Variants in RUNX1 observed in about 807,000 individuals in gnomAD.
The protein encoded by RUNX1 is RUNX family transcription factor 1.
RUNX1 carries 19 observed loss-of-function variants against 42.8 expected under a neutral mutation model. The ratio of observed to expected loss-of-function variants is 0.44; its 90% CI spans 0.31 to 0.65. The LOEUF is 0.65. RUNX1 is among the 30% of genes least tolerant of loss of function. The pLI, the probability that RUNX1 is intolerant of heterozygous loss-of-function variation, is 0.07. For synonymous variants in RUNX1, 271 were observed against 289.4 expected (o/e 0.94, Z 0.64); for missense variants, 528 against 672.0 (o/e 0.79, Z 2.37).
At chr21:34,870,020 C>A (rs758547326) in intron 5 of RUNX1, among the ~76,000 whole-genome samples, 2 of 152,166 alleles carry the variant, frequency 1.3e-5, no homozygotes, top group African/African-American at 4.8e-5. Flanking sequence ...CTTCAAATTA[C>A]AGTACATATT....
At chr21:34,889,852 C>T (rs1415768674) in intron 3 of RUNX1, 2 of 1,093,900 alleles carry the variant, frequency 1.8e-6, no homozygotes, top group East Asian at 4.9e-5. Context: ...AGTCCCTCCA[C>T]GCCCTCCCTG....
chr21:34,816,952 T>C (rs1038952130), intron 7 of RUNX1, among the ~76,000 whole-genome samples: 1 of 152,186 alleles, frequency 6.6e-6, no homozygotes, highest in Non-Finnish European at 1.5e-5. Flanking sequence ...AAACTGGTGG[T>C]TCCATGGTCT....
chr21:34,875,205 G>A (rs1463995062), intron 5 of RUNX1, among the ~76,000 whole-genome samples: 2 of 152,224 alleles, frequency 1.3e-5, no homozygotes, highest in Non-Finnish European at 2.9e-5. Flanking sequence ...TGCCATGACT[G>A]GGCCACCCCA....
At chr21:34,977,896 A>G (rs1322351097) in intron 2 of RUNX1, among the ~76,000 whole-genome samples, 1 of 152,176 alleles carries the variant, frequency 6.6e-6, no homozygotes, top group East Asian at 1.9e-4. Context: ...GCAATGTGTA[A>G]AATGTCCAAT....
At chr21:34,849,942 T>C (rs1601449878) in intron 6 of RUNX1, among the ~76,000 whole-genome samples, 2 of 151,478 alleles carry the variant, frequency 1.3e-5, no homozygotes, top group Non-Finnish European at 1.5e-5. Flanking sequence ...ACTATTATTA[T>C]TTTGGTGGTA....
At chr21:34,874,123 TTC>T (rs3831803) in intron 5 of RUNX1, among the ~76,000 whole-genome samples, 47 of 144,776 alleles carry the variant, frequency 3.2e-4, no homozygotes, top group South Asian at 8.9e-4. Context: ...GATATTCTCA[TTC>T]TCTCTCTCTC....
intron 3 of RUNX1, chr21:34,887,348 T>A: frequency 7.0e-7 from 1 of 1,437,228 alleles, no homozygotes. Flanking sequence ...CAGGATGGGC[T>A]CCTAGCAACC....
chr21:34,853,865 T>C (rs2057459862), intron 6 of RUNX1, among the ~76,000 whole-genome samples: 1 of 149,946 alleles, frequency 6.7e-6, no homozygotes, highest in Non-Finnish European at 1.5e-5. Context: ...CAGGCTGGAG[T>C]ACAGTGGCAC....
intron 2 of RUNX1, among the ~76,000 whole-genome samples, chr21:34,911,308 A>G (rs761384842): frequency 2.6e-5 from 4 of 152,186 alleles, no homozygotes; most frequent in African/African-American, 4.8e-5. Flanking sequence ...GTAAGGAACA[A>G]AGGTGATATT....
chr21:34,816,779 C>A (rs114695246), intron 7 of RUNX1, among the ~76,000 whole-genome samples: 131 of 152,256 alleles, frequency 8.6e-4, no homozygotes, highest in African/African-American at 2.9e-3. Context: ...GTTCAGAGAT[C>A]AAGCAGGAAG....
chr21:34,902,690 CA>C (rs2058186712), intron 2 of RUNX1, among the ~76,000 whole-genome samples: 1 of 152,124 alleles, frequency 6.6e-6, no homozygotes, highest in African/African-American at 2.4e-5. Flanking sequence ...CTCACTATCT[CA>C]TAAGGTAGAG....
chr21:34,821,062 T>C lies in RUNX1; in HGVS notation c.805+13348A>G, dbSNP rs376074719. 2.2e-3 allele frequency among the ~76,000 whole-genome samples: 333 copies of C among 152,336 alleles called. 5 individuals are homozygous for C. The highest frequency in any genetic ancestry group is 6.8e-3 in the African/African-American group (282 of 41,578). ...ATTTGGTCTTGTGGAACAGTGGTTA[T>C]GGGAAGGTCTCCTGTTTGGGTTTAT... On this transcript the variant is annotated intron_variant, in intron 7 of 8. Transcript: ENST00000675419.
chr21:34,963,284 T>G (rs972792804), intron 2 of RUNX1, among the ~76,000 whole-genome samples: 3 of 152,000 alleles, frequency 2.0e-5, no homozygotes, highest in Non-Finnish European at 4.4e-5. Context: ...AGGTGCTGGG[T>G]CCACGTGGAA....
Position 34,789,356 on chromosome 21 carries a change from G to A in RUNX1, c.*2779C>T, listed in dbSNP as rs367556806. On this transcript the variant is annotated 3_prime_UTR_variant, in exon 9 of 9. Transcript: ENST00000675419. ...TTGGGGGGAAGAGAGGGAGGGAAAT[G>A]TATTTTCAGATAGTGAGAAAAAGAA... The A allele has an allele frequency of 4.3e-6, 1 of 233,642 alleles. No homozygotes were observed. Among genetic ancestry groups the A allele is most frequent in the East Asian group, 6.0e-5 (1 of 16,584 alleles). 14.5% of individuals were successfully genotyped at this position (233,642 alleles called of 1,614,324 possible). A position where few individuals can be genotyped will look rare whatever the true frequency, so the allele number is the denominator to read the frequency against.
At chr21:34,935,084 T>C (rs1254306456) in intron 2 of RUNX1, among the ~76,000 whole-genome samples, 1 of 152,212 alleles carries the variant, frequency 6.6e-6, no homozygotes, top group Non-Finnish European at 1.5e-5. Context: ...GGTATATGTT[T>C]TGAAGAGTGA....
At chr21:34,946,693 C>A (rs1393205306) in intron 2 of RUNX1, among the ~76,000 whole-genome samples, 2 of 152,134 alleles carry the variant, frequency 1.3e-5, no homozygotes, top group Non-Finnish European at 2.9e-5. Flanking sequence ...GCTTTGCAAG[C>A]TGAGTGTACA....
At chr21:35,000,519 C>T (rs945724335) in intron 2 of RUNX1, among the ~76,000 whole-genome samples, 4 of 152,076 alleles carry the variant, frequency 2.6e-5, no homozygotes, top group Non-Finnish European at 5.9e-5. Flanking sequence ...GGATTACAGG[C>T]GTGAGCCACC....
chr21:34,940,437 C>G (rs367549560), intron 2 of RUNX1, among the ~76,000 whole-genome samples: 12 of 152,244 alleles, frequency 7.9e-5, no homozygotes, highest in African/African-American at 2.9e-4. Context: ...ATAAATGGCA[C>G]CCAGCAGGAA....
At chr21:34,849,731 T>C (rs1319453906) in intron 6 of RUNX1, among the ~76,000 whole-genome samples, 2 of 150,642 alleles carry the variant, frequency 1.3e-5, no homozygotes, top group African/African-American at 4.9e-5. Context: ...CCTTTCTGTA[T>C]TGCCAACTTT....
Sources: gnomAD v4.1 joint callset for allele counts (sites outside exome capture counted in the v4.1 genomes callset) on GRCh38, gnomAD v4.1.1 for gene constraint, MANE v1.5 for transcripts, NCBI Gene and HGNC (gene_info 2026-07-23, HGNC 2026-07-21) for gene names.